HJURP: variants seen among roughly 807,000 people sequenced by gnomAD.
HJURP encodes Holliday junction recognition protein, also known as 14-3-3-associated AKT substrate.
A neutral mutation model predicts 72.0 loss-of-function variants in HJURP; 49 were observed. The ratio of observed to expected loss-of-function variants is 0.68; its 90% CI spans 0.54 to 0.86. The LOEUF (loss-of-function observed/expected upper bound fraction) is 0.86. HJURP is among the 40% of genes least tolerant of loss of function. HJURP has a pLI of 0.00. For synonymous variants in HJURP, 357 were observed against 347.1 expected, an observed-to-expected ratio of 1.03 and a Z score of -0.32; for missense variants, 908 against 936.3, an observed-to-expected ratio of 0.97 and a Z score of 0.39.
In HJURP at chr2:233,849,851, G is replaced by A. The variant is rs776654686; in HGVS notation, c.249C>T (p.Ser83=). 1 of 1,549,892 alleles carries A rather than the reference G, an allele frequency of 6.5e-7. No individual in the cohort carries two copies. Among genetic ancestry groups the A allele is most frequent in the South Asian group, 1.2e-5 (1 of 84,058 alleles). Residue 83 remains serine (S), a synonymous_variant, in exon 4 of 9, where the codon TCC becomes TCT. Transcript: ENST00000411486. ...CATCTGTCCTGTCCGCGGGCTTCAT[G>A]GAGGAGTCCTCCAAGTGCAGAAGCC... ...ERNEGEIQDS[S]MKPADRTDGS... is the part of the protein sequence containing the mutation.
chr2:233,845,656 A>G, intron 6 of HJURP, 72 bp downstream of exon 6: 5 of 971,970 alleles, frequency 5.1e-6, no homozygotes, highest in Non-Finnish European at 8.0e-6. Flanking sequence ...AAAAAGCATA[A>G]TAACACTGTA....
rs1705195076 is a variant in HJURP at position 233,840,599 on chromosome 2, A to T, written c.2171+10T>A. On this transcript the variant is annotated intron_variant, in intron 8 of 8. Coordinates refer to ENST00000411486, the MANE Select transcript of HJURP (RefSeq NM_018410.5). ...CATAAACCACATTCAACCAACAGAA[A>T]CACACCTACCTCTCTTCTGAGTTGG... The T allele has an allele frequency of 6.4e-7, 1 of 1,562,918 alleles. No individual in the cohort carries two copies. The highest frequency in any genetic ancestry group is 1.4e-5 in the African/African-American group (1 of 72,408).
intron 7 of HJURP, 147 bp from the exon 8 acceptor site, chr2:233,842,352 C>A: frequency 1.6e-6 from 1 of 634,032 alleles, no homozygotes; most frequent in South Asian, 2.3e-5. Context: ...TAGGAGTAGA[C>A]TCTTCTCAGA....
At position 233,849,963 on chromosome 2, in the gene HJURP, C is replaced by A. The variant is rs557666029; in HGVS notation, c.241-104G>T. On this transcript the variant is annotated intron_variant, in intron 3 of 8. Coordinates refer to ENST00000411486, the MANE Select transcript of HJURP (RefSeq NM_018410.5). ...GCAATCCTTCTGTTAACACAGGAGA[C>A]AGCAAGAGCCTGCCACAAGGCTTCT... 1.4e-4 allele frequency: 95 copies of A among 695,726 alleles called. No homozygotes were observed. In the East Asian group the frequency reaches 1.8e-3, roughly 13 times the overall value. 43.1% of individuals were successfully genotyped at this position (695,726 alleles called of 1,614,324 possible). A position where few individuals can be genotyped will look rare whatever the true frequency, so the allele number is the denominator to read the frequency against.
chr2:233,848,931 G>A (rs1168581533), intron 4 of HJURP, among the ~76,000 whole-genome samples: 2 of 152,182 alleles, frequency 1.3e-5, no homozygotes, highest in Non-Finnish European at 2.9e-5. Context: ...GCATGGGGCC[G>A]AGGAGCAGGG....
chr2:233,844,732 G>A (rs1301531578), intron 6 of HJURP, among the ~76,000 whole-genome samples: 5 of 152,198 alleles, frequency 3.3e-5, no homozygotes, highest in African/African-American at 1.2e-4. Context: ...AGCATTTCAG[G>A]TACATCCACT....
At chr2:233,849,999 C>CA in intron 3 of HJURP, 140 bp from the exon 4 acceptor site, 1 of 626,052 alleles carries the variant, frequency 1.6e-6, no homozygotes, top group Non-Finnish European at 2.9e-6. Flanking sequence ...CTTCTCCCTG[C>CA]ATGTCCACTT....
In HJURP at chr2:233,836,984, C is replaced by G. The variant is rs1326341618; in HGVS notation, c.*593G>C. On this transcript the variant is annotated 3_prime_UTR_variant, in exon 9 of 9. Coordinates refer to ENST00000411486, the MANE Select transcript of HJURP (RefSeq NM_018410.5). The stretch of plus-strand genomic sequence containing the variant: ...AGGAGAGAGGATTCTCTGGACATAT[C>G]TAAATTTAAAAAAGAACACACGGCT... The G allele has an allele frequency of 6.6e-6, 1 of 152,366 alleles. No individual in the cohort carries two copies. Among genetic ancestry groups the G allele is most frequent in the Admixed American group, 6.6e-5 (1 of 15,264 alleles). The allele number at this position is 152,366 out of a possible 1,614,324, so 9.4% of individuals were successfully genotyped here. A position where few individuals can be genotyped will look rare whatever the true frequency, so the allele number is the denominator to read the frequency against.
Position 233,846,693 on chromosome 2 carries a change from T to G in HJURP, c.402+704A>C, listed in dbSNP as rs1374010243. On this transcript the variant is annotated intron_variant, in intron 5 of 8. Coordinates refer to ENST00000411486, the MANE Select transcript of HJURP (RefSeq NM_018410.5). The surrounding 1 kb of genome is among the most constrained non-coding windows in gnomAD (Gnocchi z 4.3). ...CGGCCTTTTTCTTAGTCACTGAAAG[T>G]CACACATGGGTGCGTGGGAAACCCT... is the stretch of plus-strand genomic sequence containing the variant. Among the ~76,000 whole-genome samples the G allele has an allele frequency of 1.3e-5, 2 of 152,178 alleles. No individual in the cohort carries two copies. The highest frequency in any genetic ancestry group is 4.8e-5 in the African/African-American group (2 of 41,456).
In HJURP at chr2:233,837,319, A is replaced by AACAC. The variant is rs1553643892; in HGVS notation, c.*257_*258insGTGT. 1 of 275,476 alleles carries AACAC rather than the reference A, an allele frequency of 3.6e-6. No individual in the cohort carries two copies. The highest frequency in any genetic ancestry group is 2.7e-5 in the African/African-American group (1 of 36,520). 17.1% of individuals were successfully genotyped at this position (275,476 alleles called of 1,614,324 possible). A position where few individuals can be genotyped will look rare whatever the true frequency, so the allele number is the denominator to read the frequency against. On this transcript the variant is annotated 3_prime_UTR_variant, in exon 9 of 9. Transcript: ENST00000411486. The stretch of plus-strand genomic sequence containing the variant: ...AAACAAACAAACAAACAAACAAATA[A>AACAC]CCCCCCCCCAAAAAAAACACACACA...
In HJURP at chr2:233,853,831, G is replaced by C; in HGVS notation, c.184+13C>G. On this transcript the variant is annotated intron_variant, in intron 2 of 8. Transcript: ENST00000411486. Reference sequence around the variant, plus strand: ...CTTCACCCGAATACTCAGAAGGTGGGGAAGACCCTTACCCTGTGGCGTCTC... The same window carrying C: ...CTTCACCCGAATACTCAGAAGGTGGCGAAGACCCTTACCCTGTGGCGTCTC... The C allele has an allele frequency of 6.2e-7, 1 of 1,609,358 alleles. No homozygotes were observed. The highest frequency in any genetic ancestry group is 1.1e-5 in the South Asian group (1 of 90,948).
At position 233,840,863 on chromosome 2, in the gene HJURP, C is replaced by A. The variant is rs1705207586; in HGVS notation, c.1917G>T (p.Leu639Phe). 3 of 1,614,086 alleles carry A rather than the reference C, an allele frequency of 1.9e-6. No individual in the cohort carries two copies. Among genetic ancestry groups the A allele is most frequent in the Non-Finnish European group, 2.5e-6 (3 of 1,180,028 alleles). The change falls in exon 8 of 9, where the codon TTG becomes TTT. Residue 639 changes from leucine (L) to phenylalanine (F), a missense_variant. By Grantham distance (22) the Leu-to-Phe change is conservative. Transcript: ENST00000411486. ...TTCTGCACCCCAGGGGTGATGATGG[C>A]AACTTCTGGAAACCCTGGAAGTGAG... ...PDPHFQGFQK[L>F]PSSPLGCRKS... is the part of the protein sequence containing the mutation.
chr2:233,851,318 C>T (rs890955406), intron 3 of HJURP, among the ~76,000 whole-genome samples: 2 of 152,150 alleles, frequency 1.3e-5, no homozygotes, highest in Non-Finnish European at 2.9e-5. Flanking sequence ...CTCTGAAAAC[C>T]ATTTCTAACA....
Position 233,841,112 on chromosome 2 carries a change from CACTG to C in HJURP, c.1664_1667del (p.Ser555CysfsTer44). 3 of 1,614,156 alleles carry C rather than the reference CACTG, an allele frequency of 1.9e-6. No homozygotes were observed. The highest frequency in any genetic ancestry group is 2.5e-6 in the Non-Finnish European group (3 of 1,180,032). ...GGACTGAAAGAGTTTTGCTGGGTGA[CACTG>C]ACTTTCTAAATATTCCAGAACTATT... On this transcript the variant is annotated frameshift_variant, in exon 8 of 9. Transcript: ENST00000411486. LOFTEE classifies it high-confidence loss of function.
At position 233,836,781 on chromosome 2, in the gene HJURP, G is replaced by A. The variant is rs964652179; in HGVS notation, c.*796C>T. On this transcript the variant is annotated 3_prime_UTR_variant, in exon 9 of 9. Coordinates refer to ENST00000411486, the MANE Select transcript of HJURP (RefSeq NM_018410.5). ...ATGTGAAATATTTCATTACAAAAACGTCACCATGATATCCTGTCATCAACA... is the reference window on the plus strand; with the variant it reads ...ATGTGAAATATTTCATTACAAAAACATCACCATGATATCCTGTCATCAACA... 6.6e-6 allele frequency: 1 copy of A among 151,920 alleles called. No individual in the cohort carries two copies. Among genetic ancestry groups the A allele is most frequent in the Non-Finnish European group, 1.5e-5 (1 of 68,004 alleles). The allele number at this position is 151,920 out of a possible 1,614,324, so 9.4% of individuals were successfully genotyped here. A position where few individuals can be genotyped will look rare whatever the true frequency, so the allele number is the denominator to read the frequency against.
rs1323036716 is a variant in HJURP, at chr2:233,836,890, G to C, written c.*687C>G. ...ACCAGGACTGTTTATTTTCCTTCAA[G>C]GGTCATTGCATGCAGGGCTCGAACT... On this transcript the variant is annotated 3_prime_UTR_variant, in exon 9 of 9. Coordinates refer to ENST00000411486, the MANE Select transcript of HJURP (RefSeq NM_018410.5). 3.3e-5 allele frequency: 5 copies of C among 152,282 alleles called. No homozygotes were observed. The highest frequency in any genetic ancestry group is 5.9e-5 in the Non-Finnish European group (4 of 68,086). 9.4% of individuals were successfully genotyped at this position (152,282 alleles called of 1,614,324 possible).
At chr2:233,852,189 C>G (rs1371004333) in intron 3 of HJURP, among the ~76,000 whole-genome samples, 1 of 152,166 alleles carries the variant, frequency 6.6e-6, no homozygotes, top group African/African-American at 2.4e-5. Context: ...TTCTTCTTCC[C>G]TAGAAGGAAC....
rs1307549333 is a variant in HJURP, at chr2:233,841,180, T to C, written c.1600A>G (p.Thr534Ala). 6.2e-7 allele frequency: 1 copy of C among 1,613,994 alleles called. No homozygotes were observed. Among genetic ancestry groups the C allele is most frequent in the Non-Finnish European group, 8.5e-7 (1 of 1,179,996 alleles). The change falls in exon 8 of 9, where the codon ACT (threonine) becomes GCT (alanine). Residue 534 changes from threonine to alanine, a missense_variant. Around this residue, in one of 3 missense-constraint regions of HJURP, gnomAD observed 598 missense variants for 619.5 expected, o/e 0.97. Coordinates refer to ENST00000411486, the MANE Select transcript of HJURP (RefSeq NM_018410.5). The stretch of plus-strand genomic sequence containing the variant: ...AGGTCAGATGTCTGCTGCGGGCGAG[T>C]TGCGCTGTGTGTGGGGTTGGTCTTT... ...LPKTNPTHSA[T>A]RPQQTSDLHV...
At chr2:233,852,494 C>G in intron 3 of HJURP, 71 bp downstream of exon 3, 1 of 1,165,508 alleles carries the variant, frequency 8.6e-7, no homozygotes, top group Non-Finnish European at 1.3e-6. Flanking sequence ...GTTGGGCATA[C>G]CCACACCTTT....
Sources: gnomAD v4.1 joint callset for allele counts (sites outside exome capture counted in the v4.1 genomes callset) on GRCh38, gnomAD v4.1.1 for gene constraint, gnomAD v4.1.1 regional missense constraint, Gnocchi (gnomAD v3.1) non-coding constraint, MANE v1.5 for transcripts, NCBI Gene and HGNC (gene_info 2026-07-23, HGNC 2026-07-21) for gene names.